MTMR2: variants seen among roughly 807,000 people sequenced by gnomAD.
MTMR2 encodes the protein myotubularin related protein 2.
A neutral mutation model predicts 86.9 loss-of-function variants in MTMR2; 55 were observed. The observed-to-expected ratio is 0.63, with a 90% CI of 0.51 to 0.79. MTMR2 has a LOEUF of 0.79. MTMR2 is among the 30% of genes least tolerant of loss of function. The pLI is 0.00. For synonymous variants in MTMR2, 241 were observed against 266.8 expected (o/e 0.90, Z 0.94); for missense variants, 659 against 772.3 (o/e 0.85, Z 1.74).
intron 1 of MTMR2, among the ~76,000 whole-genome samples, chr11:95,920,390 C>T (rs1026731379): frequency 1.3e-5 from 2 of 152,170 alleles, no homozygotes; most frequent in Non-Finnish European, 2.9e-5. Context: ...TCACTGCAAC[C>T]TTGGCCTCCC....
At chr11:95,923,789 C>T in intron 1 of MTMR2, 86 bp downstream of exon 1, 4 of 1,509,510 alleles carry the variant, frequency 2.6e-6, no homozygotes, top group Non-Finnish European at 3.6e-6. Context: ...AACCAGAATC[C>T]GCGAATTGGG....
At position 95,850,797 on chromosome 11, in the gene MTMR2, T is replaced by A. The variant is rs577746699; in HGVS notation, c.655-48A>T. On this transcript the variant is annotated intron_variant, in intron 7 of 14. Transcript: ENST00000346299. Reference sequence around the variant, plus strand: ...GACAAATTACTATATAACTAAAATATTAAACGACACCAGGACAGAAGCCAT... The same window carrying A: ...GACAAATTACTATATAACTAAAATAATAAACGACACCAGGACAGAAGCCAT... 37 of 1,557,514 alleles carry A rather than the reference T, an allele frequency of 2.4e-5. No individual in the cohort carries two copies. In the South Asian group the frequency reaches 3.3e-4, roughly 14 times the overall value.
intron 2 of MTMR2, among the ~76,000 whole-genome samples, chr11:95,882,785 C>T (rs12798556): frequency 6.7e-6 from 1 of 148,202 alleles, no homozygotes; most frequent in African/African-American, 2.5e-5. Context: ...TGCAGTGGCA[C>T]GATCTTGGCT....
chr11:95,921,106 T>C (rs1866904394), intron 1 of MTMR2, among the ~76,000 whole-genome samples: 1 of 152,254 alleles, frequency 6.6e-6, no homozygotes, highest in African/African-American at 2.4e-5. Flanking sequence ...GACTAAAGTT[T>C]TACTAAGCTA....
At chr11:95,873,237 T>C (rs995268734) in intron 2 of MTMR2, among the ~76,000 whole-genome samples, 1 of 152,220 alleles carries the variant, frequency 6.6e-6, no homozygotes, top group East Asian at 1.9e-4. Flanking sequence ...CATCTGGTCC[T>C]GGACTTTTTT....
At chr11:95,857,422 G>A in intron 7 of MTMR2, 130 bp downstream of exon 7, 1 of 700,514 alleles carries the variant, frequency 1.4e-6, no homozygotes. Context: ...ATTGAATTCT[G>A]CTTTAATCTC....
At chr11:95,903,142 T>C (rs991223715) in intron 1 of MTMR2, among the ~76,000 whole-genome samples, 6 of 152,174 alleles carry the variant, frequency 3.9e-5, no homozygotes, top group South Asian at 2.1e-4. Flanking sequence ...AATGATCATA[T>C]CCTCCGGACT....
chr11:95,852,035 G>A (rs189032444), intron 7 of MTMR2, among the ~76,000 whole-genome samples: 5 of 152,004 alleles, frequency 3.3e-5, no homozygotes, highest in African/African-American at 1.2e-4. Flanking sequence ...TTAAATGGTT[G>A]GACTTAAGAA....
intron 3 of MTMR2, among the ~76,000 whole-genome samples, chr11:95,864,199 A>AT (rs1864522739): frequency 6.6e-6 from 1 of 152,170 alleles, no homozygotes; most frequent in Non-Finnish European, 1.5e-5. Context: ...GAGATAACAA[A>AT]TTTTGGAGTC....
At chr11:95,857,344 G>A (rs1311950147) in intron 7 of MTMR2, among the ~76,000 whole-genome samples, 1 of 152,042 alleles carries the variant, frequency 6.6e-6, no homozygotes, top group Non-Finnish European at 1.5e-5. Flanking sequence ...ATGCAGTATA[G>A]GGACTCTTTG....
At chr11:95,881,781 T>G (rs1291527803) in intron 2 of MTMR2, among the ~76,000 whole-genome samples, 1 of 152,190 alleles carries the variant, frequency 6.6e-6, no homozygotes. Flanking sequence ...ATGAAAGTTT[T>G]GTTTATTCCT....
At chr11:95,875,946 A>G (rs1865093588) in intron 2 of MTMR2, among the ~76,000 whole-genome samples, 1 of 152,122 alleles carries the variant, frequency 6.6e-6, no homozygotes, top group Admixed American at 6.5e-5. Context: ...TTGCTGCCTG[A>G]TCGTTCCTCT....
chr11:95,871,772 C>T (rs1864898318), intron 2 of MTMR2, among the ~76,000 whole-genome samples: 1 of 152,162 alleles, frequency 6.6e-6, no homozygotes, highest in South Asian at 2.1e-4. Context: ...GCTTTTGTTG[C>T]CATTGCTTTT....
intron 2 of MTMR2, among the ~76,000 whole-genome samples, chr11:95,871,066 T>A (rs991064224): frequency 3.3e-5 from 5 of 152,304 alleles, no homozygotes; most frequent in Non-Finnish European, 5.9e-5. Context: ...GGACACAAAC[T>A]CATCATTTTT....
At chr11:95,871,607 T>A (rs1183330662) in intron 2 of MTMR2, among the ~76,000 whole-genome samples, 1 of 152,230 alleles carries the variant, frequency 6.6e-6, no homozygotes, top group Non-Finnish European at 1.5e-5. Flanking sequence ...TAAATTTGTT[T>A]GAGTTCATTG....
rs1356220463 is a variant in MTMR2, at chr11:95,835,307, C to T, written c.1915G>A (p.Val639Ile). The T allele has an allele frequency of 1.9e-6, 3 of 1,612,854 alleles. No individual in the cohort carries two copies. Among genetic ancestry groups the T allele is most frequent in the South Asian group, 2.2e-5 (2 of 91,056 alleles). Residue 639 changes from valine (V) to isoleucine (I), a missense_variant, in exon 15 of 15, where the codon GTC becomes ATC. Val to Ile is a conservative substitution (Grantham distance 29, BLOSUM62 3). This residue lies in a region of MTMR2 where 193 missense variants were observed against 191.6 expected (regional missense o/e 1.01). Coordinates refer to ENST00000346299, the MANE Select transcript of MTMR2 (RefSeq NM_016156.6). ...ASSPAQCVTP[V>I]QTVV ...ACAGTCCTTTATACAACAGTTTGGA[C>T]AGGAGTGACACACTGTGCAGGAGAG...
chr11:95,921,280 T>C (rs539559142), intron 1 of MTMR2, among the ~76,000 whole-genome samples: 51 of 152,376 alleles, frequency 3.3e-4, no homozygotes, highest in Non-Finnish European at 6.8e-4. Flanking sequence ...ACTATTATTC[T>C]GCCAGAGATA....
intron 2 of MTMR2, among the ~76,000 whole-genome samples, chr11:95,871,620 G>A (rs1201878217): frequency 1.3e-5 from 2 of 152,150 alleles, no homozygotes; most frequent in Non-Finnish European, 2.9e-5. Flanking sequence ...GTTCATTGTA[G>A]ATTCTGGATA....
chr11:95,854,087 T>G (rs1033045933), intron 7 of MTMR2, among the ~76,000 whole-genome samples: 1 of 152,124 alleles, frequency 6.6e-6, no homozygotes, highest in East Asian at 1.9e-4. Context: ...TGACTTAGAT[T>G]ACCTTCATGG....
Sources: gnomAD v4.1 joint callset for allele counts (sites outside exome capture counted in the v4.1 genomes callset) on GRCh38, gnomAD v4.1.1 for gene constraint, gnomAD v4.1.1 regional missense constraint, MANE v1.5 for transcripts, NCBI Gene and HGNC (gene_info 2026-07-23, HGNC 2026-07-21) for gene names.